KCNN2: variants seen among roughly 807,000 people sequenced by gnomAD.
The protein encoded by KCNN2 is small conductance calcium-activated potassium channel protein 2.
KCNN2 carries 24 observed loss-of-function variants against 55.5 expected under a neutral mutation model. The ratio of observed to expected loss-of-function variants is 0.43; its 90% CI spans 0.31 to 0.61. The LOEUF is 0.61. KCNN2 is among the 20% of genes least tolerant of loss of function. The pLI is 0.08. For missense variants in KCNN2, 754 were observed against 853.6 expected (o/e 0.88, Z 1.45); for synonymous variants, 431 against 336.1 (o/e 1.28, Z -3.09).
intron 2 of KCNN2, among the ~76,000 whole-genome samples, chr5:114,224,819 G>A (rs1754209137): frequency 6.6e-6 from 1 of 152,088 alleles, no homozygotes; most frequent in African/African-American, 2.4e-5. Flanking sequence ...GAGTCCTGAT[G>A]AGTTAGCTCC....
chr5:114,243,921 C>G (rs773550756), intron 2 of KCNN2, among the ~76,000 whole-genome samples: 2 of 152,054 alleles, frequency 1.3e-5, no homozygotes, highest in Admixed American at 6.6e-5. Flanking sequence ...ATTCTTAAAC[C>G]CTGTCTTAAA....
At chr5:114,336,888 G>A (rs968267874) in intron 2 of KCNN2, among the ~76,000 whole-genome samples, 1 of 152,180 alleles carries the variant, frequency 6.6e-6, no homozygotes, top group African/African-American at 2.4e-5. Context: ...GGGAAGAGAG[G>A]CACAAGAAGA....
intron 2 of KCNN2, among the ~76,000 whole-genome samples, chr5:114,364,743 C>T (rs953003182): frequency 6.6e-6 from 1 of 151,812 alleles, no homozygotes; most frequent in Non-Finnish European, 1.5e-5. Context: ...TTAGCCTACA[C>T]AGGAATATTA....
At chr5:114,274,380 G>A (rs369699714) in intron 2 of KCNN2, among the ~76,000 whole-genome samples, 9 of 152,142 alleles carry the variant, frequency 5.9e-5, no homozygotes, top group East Asian at 1.9e-4. Context: ...AGTAAAGTCA[G>A]TGGTAGCTTG....
chr5:114,478,771 C>G (rs556651954), intron 5 of KCNN2, among the ~76,000 whole-genome samples: 1 of 152,108 alleles, frequency 6.6e-6, no homozygotes, highest in African/African-American at 2.4e-5. Flanking sequence ...AATTTCCAAC[C>G]TAGAATTTCG....
intron 2 of KCNN2, among the ~76,000 whole-genome samples, chr5:114,335,620 C>T (rs1218736786): frequency 6.6e-6 from 1 of 152,158 alleles, no homozygotes; most frequent in Non-Finnish European, 1.5e-5. Flanking sequence ...TACAGACCTA[C>T]TACTGACAAA....
chr5:114,332,402 G>C (rs1020179766), intron 2 of KCNN2, among the ~76,000 whole-genome samples: 28 of 152,174 alleles, frequency 1.8e-4, no homozygotes, highest in Non-Finnish European at 1.0e-4. Flanking sequence ...CCAAGTGAAA[G>C]GAAGTAGCAT....
chr5:114,363,839 C>A, intron 1 of KCNN2, 67 bp from the exon 2 acceptor site: 1 of 1,132,672 alleles, frequency 8.8e-7, no homozygotes. Flanking sequence ...CTGACTGACT[C>A]TGGGGACGTG....
At chr5:114,058,932 A>G (rs1055852376) in intron 1 of KCNN2, among the ~76,000 whole-genome samples, 53 of 152,234 alleles carry the variant, frequency 3.5e-4, no homozygotes, top group African/African-American at 1.3e-3. Flanking sequence ...TGCGCAGGAG[A>G]CCAGCTCGGG....
At chr5:114,122,635 C>T (rs566495793) in intron 1 of KCNN2, among the ~76,000 whole-genome samples, 1 of 152,320 alleles carries the variant, frequency 6.6e-6, no homozygotes, top group East Asian at 1.9e-4. Context: ...AAGATGCTCT[C>T]TGTGCTGCCC....
intron 2 of KCNN2, among the ~76,000 whole-genome samples, chr5:114,383,932 G>A (rs1029163581): frequency 6.6e-6 from 1 of 152,176 alleles, no homozygotes; most frequent in African/African-American, 2.4e-5. Context: ...AGTAACTAAT[G>A]TGTATCATGT....
intron 2 of KCNN2, among the ~76,000 whole-genome samples, chr5:114,238,122 A>T (rs1754542125): frequency 6.6e-6 from 1 of 152,226 alleles, no homozygotes; most frequent in Admixed American, 6.5e-5. Flanking sequence ...AGGAAACATA[A>T]TTCACATGCA....
intron 1 of KCNN2, among the ~76,000 whole-genome samples, chr5:114,167,932 C>T (rs1222183852): frequency 2.0e-5 from 3 of 152,042 alleles, no homozygotes; most frequent in Non-Finnish European, 4.4e-5. Context: ...GGTACTCTTA[C>T]CTGGGCTCTT....
At chr5:114,216,848 G>A (rs912677087) in intron 1 of KCNN2, among the ~76,000 whole-genome samples, 8 of 152,012 alleles carry the variant, frequency 5.3e-5, no homozygotes, top group Middle Eastern at 3.2e-3. Flanking sequence ...CACAGATGAC[G>A]TGATTATCTA....
intron 2 of KCNN2, among the ~76,000 whole-genome samples, chr5:114,320,748 C>T (rs1408812956): frequency 1.3e-5 from 2 of 152,154 alleles, no homozygotes; most frequent in Non-Finnish European, 2.9e-5. Context: ...CATGTATCTT[C>T]TTCTCCATTC....
At chr5:114,209,565 C>T (rs747314331) in intron 1 of KCNN2, among the ~76,000 whole-genome samples, 6 of 151,764 alleles carry the variant, frequency 4.0e-5, no homozygotes, top group Non-Finnish European at 7.4e-5. Flanking sequence ...GTAATTAAAC[C>T]TAAGAAAACT....
intron 3 of KCNN2, among the ~76,000 whole-genome samples, chr5:114,423,384 G>A (rs570142499): frequency 6.6e-6 from 1 of 152,258 alleles, no homozygotes; most frequent in South Asian, 2.1e-4. Flanking sequence ...GGTACGATAT[G>A]AGCCTAAATA....
At chr5:114,404,385 C>G in intron 2 of KCNN2, 53 bp from the exon 3 acceptor site, 2 of 1,456,712 alleles carry the variant, frequency 1.4e-6, no homozygotes, top group Non-Finnish European at 1.9e-6. Flanking sequence ...TGCACTAACA[C>G]TTGTGGACCA....
intron 1 of KCNN2, among the ~76,000 whole-genome samples, chr5:114,166,881 A>G (rs1354126247): frequency 6.6e-6 from 1 of 152,018 alleles, no homozygotes; most frequent in Admixed American, 6.6e-5. Flanking sequence ...TGCACATTCC[A>G]TCTCTGTCTG....
Sources: gnomAD v4.1 joint callset for allele counts (sites outside exome capture counted in the v4.1 genomes callset) on GRCh38, gnomAD v4.1.1 for gene constraint, MANE v1.5 for transcripts, NCBI Gene and HGNC (gene_info 2026-07-23, HGNC 2026-07-21) for gene names.